Variants in GRIN2B observed in about 807,000 individuals in gnomAD.
GRIN2B encodes the protein glutamate ionotropic receptor NMDA type subunit 2B, also known as glutamate receptor ionotropic, NMDA 2B.
GRIN2B carries 5 observed loss-of-function variants against 114.5 expected under a neutral mutation model. The ratio of observed to expected loss-of-function variants is 0.04; its 90% CI spans 0.02 to 0.09. The LOEUF is 0.09. Ranked by LOEUF, GRIN2B falls within the 10% of genes least tolerant of loss-of-function variation. The probability of loss-of-function intolerance (pLI) is 1.00; values close to 1 mark genes in which losing one functional copy is unlikely to be tolerated. For missense variants in GRIN2B, 1,108 were observed against 1,943.5 expected, an observed-to-expected ratio of 0.57 and a Z score of 8.08; for synonymous variants, 787 against 745.1, an observed-to-expected ratio of 1.06 and a Z score of -0.92.
At chr12:13,934,952 G>T (rs985401270) in intron 2 of GRIN2B, among the ~76,000 whole-genome samples, 1 of 152,172 alleles carries the variant, frequency 6.6e-6, no homozygotes, top group African/African-American at 2.4e-5. Context: ...ATCACAATCA[G>T]CAGCTTGTTG....
chr12:13,939,230 G>A (rs1415561020), intron 2 of GRIN2B, among the ~76,000 whole-genome samples: 1 of 152,148 alleles, frequency 6.6e-6, no homozygotes, highest in Non-Finnish European at 1.5e-5. Flanking sequence ...TTCTTGATAT[G>A]GTTTGGATGT....
Position 13,944,221 on chromosome 12 carries a change from C to A in GRIN2B, c.-19+35707G>T, listed in dbSNP as rs1867323743. Among the ~76,000 whole-genome samples the A allele has an allele frequency of 2.0e-5, 3 of 152,178 alleles. No homozygotes were observed. The South Asian group carries it at 6.2e-4, about 31-fold the overall frequency. ...CCATTTCCTTCCTATAAGTGCCTTC[C>A]ATGATTTCCTAAAACCCTTCTTTAA... On this transcript the variant is annotated intron_variant, in intron 2 of 13. Transcript: ENST00000609686.
intron 8 of GRIN2B, among the ~76,000 whole-genome samples, chr12:13,613,438 G>A (rs1949391404): frequency 6.6e-6 from 1 of 152,150 alleles, no homozygotes; most frequent in African/African-American, 2.4e-5. Context: ...AACTAGGACT[G>A]AGAGGTCAAG....
Position 13,547,981 on chromosome 12 carries a change from A to ATATATATATATATTTT in GRIN2B, c.*14801_*14802insAAAATATATATATATA. Reference sequence around the variant, plus strand: ...TGTGTATATATATATATATATATATATTTTTTTTTTTTTTCTGAAAGCTAC... The same window carrying ATATATATATATATTTT: ...TGTGTATATATATATATATATATATATATATATATATATTTTTTTTTTTTTTTTTTCTGAAAGCTAC... On this transcript the variant is annotated 3_prime_UTR_variant, in exon 14 of 14. Transcript: ENST00000609686. 15 of 68,454 alleles carry ATATATATATATATTTT rather than the reference A, an allele frequency of 2.2e-4. No homozygotes were observed. Among genetic ancestry groups the ATATATATATATATTTT allele is most frequent in the South Asian group, 1.4e-3 (2 of 1,380 alleles). The allele number at this position is 68,454 out of a possible 1,614,324, so 4.2% of individuals were successfully genotyped here.
intron 10 of GRIN2B, among the ~76,000 whole-genome samples, chr12:13,590,363 A>AT (rs1465191273): frequency 1.3e-5 from 2 of 151,754 alleles, no homozygotes; most frequent in Non-Finnish European, 2.9e-5. Context: ...TGCATTAGGT[A>AT]TTTTTCCTAA....
intron 4 of GRIN2B, among the ~76,000 whole-genome samples, chr12:13,704,550 C>T (rs985192201): frequency 2.0e-5 from 3 of 152,088 alleles, no homozygotes; most frequent in African/African-American, 4.8e-5. Flanking sequence ...TCCCCCAGTG[C>T]CATCCCAATC....
At position 13,805,843 on chromosome 12, in the gene GRIN2B, G is replaced by A. The variant is rs553702548; in HGVS notation, c.412-51928C>T. Among the ~76,000 whole-genome samples, 5 of 152,122 alleles carry A rather than the reference G, an allele frequency of 3.3e-5. No individual in the cohort carries two copies. The South Asian group carries it at 6.2e-4, about 19-fold the overall frequency. On this transcript the variant is annotated intron_variant, in intron 3 of 13. Coordinates refer to ENST00000609686, the MANE Select transcript of GRIN2B (RefSeq NM_000834.5). ...CAGTAAATCTCCTGAATTTATTCAC[G>A]TGGTCTAACTGGAATTTTGTATCCT...
At chr12:13,799,112 G>C (rs148683130) in intron 3 of GRIN2B, among the ~76,000 whole-genome samples, 349 of 152,250 alleles carry the variant, frequency 2.3e-3, no homozygotes, top group African/African-American at 7.8e-3. Flanking sequence ...ACCACCCATT[G>C]CATCCCCTGG....
intron 3 of GRIN2B, among the ~76,000 whole-genome samples, chr12:13,792,775 A>ACAG (rs137946663): frequency 6.6e-6 from 1 of 151,452 alleles, no homozygotes; most frequent in East Asian, 1.9e-4. Flanking sequence ...TGCAATTAGA[A>ACAG]CAGGAAACAT....
At chr12:13,791,065 C>G (rs1045341213) in intron 3 of GRIN2B, among the ~76,000 whole-genome samples, 2 of 152,088 alleles carry the variant, frequency 1.3e-5, no homozygotes, top group Non-Finnish European at 2.9e-5. Flanking sequence ...GGGTGGCCTT[C>G]ACCTAATTCA....
chr12:13,916,720 C>T (rs986764581), intron 2 of GRIN2B, among the ~76,000 whole-genome samples: 2 of 64,326 alleles, frequency 3.1e-5, no homozygotes, highest in Non-Finnish European at 6.6e-5. Flanking sequence ...TATACACACA[C>T]ACACACACAC....
chr12:13,899,201 G>T (rs1303888836), intron 2 of GRIN2B, among the ~76,000 whole-genome samples: 1 of 151,928 alleles, frequency 6.6e-6, no homozygotes, highest in African/African-American at 2.4e-5. Context: ...TAACATAGGA[G>T]ACTAACTTGT....
chr12:13,746,021 G>GA (rs199867352), intron 4 of GRIN2B, among the ~76,000 whole-genome samples: 4,085 of 152,000 alleles, frequency 0.027, 70 homozygotes, highest in Middle Eastern at 0.048. Flanking sequence ...TGGGAGGAGG[G>GA]AGACAAAAAA....
intron 2 of GRIN2B, among the ~76,000 whole-genome samples, chr12:13,873,498 C>T (rs1290932256): frequency 1.3e-5 from 2 of 152,186 alleles, no homozygotes; most frequent in African/African-American, 4.8e-5. Flanking sequence ...ACATAAAAGG[C>T]ACCAATCTTT....
chr12:13,808,611 G>A (rs1297036237), intron 3 of GRIN2B, among the ~76,000 whole-genome samples: 1 of 151,666 alleles, frequency 6.6e-6, no homozygotes, highest in African/African-American at 2.4e-5. Context: ...GGGGAAGGGG[G>A]GAGGGATAGC....
At chr12:13,691,897 C>G (rs1289235808) in intron 4 of GRIN2B, among the ~76,000 whole-genome samples, 4 of 152,142 alleles carry the variant, frequency 2.6e-5, no homozygotes, top group Non-Finnish European at 5.9e-5. Context: ...CAAAAACCAC[C>G]TAGAGGAGAT....
chr12:13,724,331 G>T (rs1411420392), intron 4 of GRIN2B, among the ~76,000 whole-genome samples: 1 of 152,150 alleles, frequency 6.6e-6, no homozygotes, highest in Non-Finnish European at 1.5e-5. Flanking sequence ...CCAATTACAG[G>T]TTTGCAGAAA....
chr12:13,566,392 A>T (rs1195125997), intron 13 of GRIN2B, among the ~76,000 whole-genome samples: 1 of 152,220 alleles, frequency 6.6e-6, no homozygotes, highest in African/African-American at 2.4e-5. Flanking sequence ...TGACCTGTTC[A>T]TACATAAAAC....
intron 3 of GRIN2B, among the ~76,000 whole-genome samples, chr12:13,799,402 T>C (rs1864468207): frequency 6.6e-6 from 1 of 152,154 alleles, no homozygotes; most frequent in Admixed American, 6.5e-5. Flanking sequence ...CTCACATTTC[T>C]AGGGACTGTC....
Sources: gnomAD v4.1 joint callset for allele counts (sites outside exome capture counted in the v4.1 genomes callset) on GRCh38, gnomAD v4.1.1 for gene constraint, MANE v1.5 for transcripts, NCBI Gene and HGNC (gene_info 2026-07-23, HGNC 2026-07-21) for gene names.